GNAL: variants seen among roughly 807,000 people sequenced by gnomAD.
The protein encoded by GNAL is guanine nucleotide-binding protein G(olf) subunit alpha.
GNAL carries 18 observed loss-of-function variants against 55.1 expected under a neutral mutation model. The observed-to-expected ratio is 0.33, with a 90% confidence interval of 0.23 to 0.48. The LOEUF (loss-of-function observed/expected upper bound fraction) is 0.48. GNAL is among the 20% of genes least tolerant of loss of function. The probability of loss-of-function intolerance (pLI) is 0.99; values close to 1 mark genes in which losing one functional copy is unlikely to be tolerated. For synonymous variants in GNAL, 253 were observed against 237.0 expected (o/e 1.07, Z -0.62); for missense variants, 412 against 614.1 (o/e 0.67, Z 3.48).
At chr18:11,801,227 A>T (rs542375112) in intron 4 of GNAL, among the ~76,000 whole-genome samples, 107 of 152,330 alleles carry the variant, frequency 7.0e-4, no homozygotes, top group African/African-American at 2.4e-3. Flanking sequence ...GGGGTGATAC[A>T]GAGAATGAAT....
intron 1 of GNAL, among the ~76,000 whole-genome samples, chr18:11,714,988 C>CA (rs920181013): frequency 1.3e-4 from 19 of 150,728 alleles, no homozygotes; most frequent in Admixed American, 2.0e-4. Flanking sequence ...AGAAAAATAC[C>CA]AAAAAAAATA....
Position 11,710,486 on chromosome 18 carries a change from C to T in GNAL, c.376+20547C>T, listed in dbSNP as rs377420557. On this transcript the variant is annotated intron_variant, in intron 1 of 11. Coordinates refer to ENST00000334049, the MANE Select transcript of GNAL (RefSeq NM_182978.4). ...ATGTTTGTCTACATATTTACCTTTA[C>T]GAATGAACTTTATACTTTCATATGC... Among the ~76,000 whole-genome samples the T allele has an allele frequency of 2.0e-4, 30 of 152,218 alleles. No individual in the cohort carries two copies. The East Asian group carries it at 4.8e-3, about 24-fold the overall frequency.
At chr18:11,756,753 C>G (rs553210695) in intron 4 of GNAL, among the ~76,000 whole-genome samples, 35 of 152,132 alleles carry the variant, frequency 2.3e-4, no homozygotes, top group South Asian at 6.2e-4. Flanking sequence ...AGAATGATAT[C>G]AAGACAAATC....
intron 5 of GNAL, among the ~76,000 whole-genome samples, chr18:11,825,624 G>A (rs60019032): frequency 0.014 from 2,070 of 151,296 alleles, 44 homozygotes; most frequent in African/African-American, 0.047. Context: ...CCAGCTACTC[G>A]GGAGGCTGAG....
intron 1 of GNAL, among the ~76,000 whole-genome samples, chr18:11,733,949 T>C (rs1422420371): frequency 6.6e-6 from 1 of 151,162 alleles, no homozygotes; most frequent in East Asian, 1.9e-4. Flanking sequence ...ACAGGTCCTG[T>C]GTCCGTTCTG....
At chr18:11,849,501 C>CAAAA (rs71172025) in intron 5 of GNAL, among the ~76,000 whole-genome samples, 16 of 130,366 alleles carry the variant, frequency 1.2e-4, no homozygotes, top group African/African-American at 3.2e-4. Context: ...GATTTCATCT[C>CAAAA]AAAAAAAAAA....
intron 9 of GNAL, among the ~76,000 whole-genome samples, chr18:11,869,415 T>A (rs1244911665): frequency 6.6e-6 from 1 of 151,812 alleles, no homozygotes; most frequent in Non-Finnish European, 1.5e-5. Flanking sequence ...AGTGCTGGGA[T>A]TACAGGCGTG....
chr18:11,858,271 CAG>C (rs1293434576), intron 5 of GNAL, among the ~76,000 whole-genome samples: 2 of 151,572 alleles, frequency 1.3e-5, no homozygotes, highest in African/African-American at 2.4e-5. Context: ...AAAAAAAAAT[CAG>C]AGTAAATTTC....
intron 1 of GNAL, among the ~76,000 whole-genome samples, chr18:11,699,449 T>TG (rs2031505301): frequency 6.6e-6 from 1 of 151,778 alleles, no homozygotes; most frequent in African/African-American, 2.4e-5. Flanking sequence ...TCCTGACCTC[T>TG]GGGGATCCAC....
intron 4 of GNAL, among the ~76,000 whole-genome samples, chr18:11,785,465 G>A (rs2034030898): frequency 1.3e-5 from 2 of 152,196 alleles, no homozygotes; most frequent in Admixed American, 1.3e-4. Context: ...GACACTGGAT[G>A]ATGCTGGGAT....
rs542651738 is a variant in GNAL at position 11,751,740 on chromosome 18, G to A, written c.377-1113G>A. The A allele has an allele frequency of 5.4e-4, 439 of 819,660 alleles. 2 individuals are homozygous for A. Among genetic ancestry groups the A allele is most frequent in the Admixed American group, 1.2e-3 (19 of 16,100 alleles). 50.8% of individuals were successfully genotyped at this position (819,660 alleles called of 1,614,324 possible). The stretch of plus-strand genomic sequence containing the variant: ...CCCAGCCGGCCGGGCTCCGTGGGGG[G>A]TCAGCTCCCTGACCCCTACAGCGCG... On this transcript the variant is annotated intron_variant, in intron 1 of 11. Coordinates refer to ENST00000334049, the MANE Select transcript of GNAL (RefSeq NM_182978.4). The surrounding 1 kb of genome is among the most constrained non-coding windows in gnomAD (Gnocchi z 4.5).
chr18:11,846,348 G>A (rs866265693), intron 5 of GNAL, among the ~76,000 whole-genome samples: 28 of 151,566 alleles, frequency 1.8e-4, no homozygotes, highest in Admixed American at 5.3e-4. Context: ...CTGTTTACAT[G>A]CTGCTGTTCT....
chr18:11,689,423 G>C lies in GNAL; in HGVS notation c.-141G>C. On this transcript the variant is annotated 5_prime_UTR_variant, in exon 1 of 12. Coordinates refer to ENST00000334049, the MANE Select transcript of GNAL (RefSeq NM_182978.4). ...ACCCCCTTCCCGCAGCTGGCGGCCGGCAGCGCCGAACAGGGTCCGGGTGCA... is the reference window on the plus strand; with the variant it reads ...ACCCCCTTCCCGCAGCTGGCGGCCGCCAGCGCCGAACAGGGTCCGGGTGCA... 1 of 377,668 alleles carries C rather than the reference G, an allele frequency of 2.6e-6. No individual in the cohort carries two copies. Among genetic ancestry groups the C allele is most frequent in the East Asian group, 4.1e-5 (1 of 24,454 alleles). 23.4% of individuals were successfully genotyped at this position (377,668 alleles called of 1,614,324 possible). A position where few individuals can be genotyped will look rare whatever the true frequency, so the allele number is the denominator to read the frequency against.
At chr18:11,706,911 C>T (rs2143343945) in intron 1 of GNAL, among the ~76,000 whole-genome samples, 1 of 152,342 alleles carries the variant, frequency 6.6e-6, no homozygotes, top group East Asian at 1.9e-4. Flanking sequence ...TTGCAATCAA[C>T]TTCTTCCAAA....
intron 9 of GNAL, among the ~76,000 whole-genome samples, chr18:11,869,883 T>C (rs1438557275): frequency 2.0e-5 from 3 of 152,180 alleles, no homozygotes; most frequent in African/African-American, 7.2e-5. Flanking sequence ...CACGTCAGTC[T>C]GGGCGACAGA....
intron 11 of GNAL, among the ~76,000 whole-genome samples, chr18:11,877,730 G>A (rs557981633): frequency 6.6e-6 from 1 of 150,936 alleles, no homozygotes; most frequent in South Asian, 2.1e-4. Flanking sequence ...CTTTCCACGG[G>A]GACCGGCACT....
chr18:11,717,835 G>A (rs12454967), intron 1 of GNAL, among the ~76,000 whole-genome samples: 71,377 of 152,052 alleles, frequency 0.47, 20,283 homozygotes, highest in Non-Finnish European at 0.61. Flanking sequence ...CAACTAATGG[G>A]TACTAGGCTT....
chr18:11,822,256 T>C (rs1057135708), intron 4 of GNAL, among the ~76,000 whole-genome samples: 4 of 151,994 alleles, frequency 2.6e-5, no homozygotes, highest in Non-Finnish European at 5.9e-5. Flanking sequence ...CTGGGCAACA[T>C]TATGAGACCT....
intron 11 of GNAL, among the ~76,000 whole-genome samples, chr18:11,877,022 C>T (rs1323459549): frequency 6.6e-6 from 1 of 152,204 alleles, no homozygotes; most frequent in East Asian, 1.9e-4. Context: ...CATACTCTTC[C>T]TCCATCCAAA....
Sources: allele counts gnomAD v4.1 joint callset (sites outside exome capture counted in the v4.1 genomes callset), GRCh38; gene constraint gnomAD v4.1.1; non-coding constraint Gnocchi (gnomAD v3.1); transcripts MANE v1.5; gene names NCBI Gene and HGNC (gene_info 2026-07-23, HGNC 2026-07-21).